The following SLC9A7 variants were observed in gnomAD, a reference collection of about 807,000 sequenced individuals.
SLC9A7 encodes the protein sodium/hydrogen exchanger 7.
A neutral mutation model predicts 52.6 loss-of-function variants in SLC9A7; 19 were observed. The observed-to-expected ratio is 0.36, with a 90% CI of 0.25 to 0.53. SLC9A7 has a LOEUF of 0.53. Among genes scored for constraint, SLC9A7 ranks in the 20% least tolerant of loss-of-function variants. The pLI is 0.91. For synonymous variants in SLC9A7, 226 were observed against 252.1 expected, an observed-to-expected ratio of 0.90 and a Z score of 0.98; for missense variants, 455 against 597.9, an observed-to-expected ratio of 0.76 and a Z score of 2.49.
At chrX:46,655,817 G>A (rs1308883794) in intron 7 of SLC9A7, among the ~76,000 whole-genome samples, 1 of 112,780 alleles carries the variant, frequency 8.9e-6, no homozygotes, top group East Asian at 2.8e-4. Context: ...CATTGCCCAG[G>A]CTTGTTTAGG....
intron 14 of SLC9A7, among the ~76,000 whole-genome samples, chrX:46,627,075 T>C (rs1273521959): frequency 9.0e-6 from 1 of 111,014 alleles, no homozygotes; most frequent in Non-Finnish European, 1.9e-5. Context: ...TCCCTGCACT[T>C]TGGGAGGGTT....
intron 1 of SLC9A7, among the ~76,000 whole-genome samples, chrX:46,699,070 TC>T (rs1243448017): frequency 1.8e-5 from 2 of 111,913 alleles, no homozygotes; most frequent in Non-Finnish European, 3.8e-5. Flanking sequence ...TGACCTCCAA[TC>T]CAATGCCCCT....
intron 5 of SLC9A7, among the ~76,000 whole-genome samples, chrX:46,667,183 C>G (rs899015811): frequency 4.5e-5 from 5 of 111,263 alleles, no homozygotes. Context: ...ATCATTTCTA[C>G]TTTATATATG....
At chrX:46,749,230 T>C (rs2062665256) in intron 1 of SLC9A7, among the ~76,000 whole-genome samples, 1 of 112,243 alleles carries the variant, frequency 8.9e-6, no homozygotes, top group African/African-American at 3.2e-5. Context: ...TATAGCATCT[T>C]ATTTTTTGAT....
intron 12 of SLC9A7, among the ~76,000 whole-genome samples, chrX:46,641,142 C>T (rs749727814): frequency 2.7e-5 from 3 of 112,227 alleles, no homozygotes; most frequent in Admixed American, 1.9e-4. Context: ...AAATGTCCTT[C>T]GAGGGGTAAA....
chrX:46,649,801 G>T (rs1441004762), intron 10 of SLC9A7, among the ~76,000 whole-genome samples: 1 of 112,593 alleles, frequency 8.9e-6, no homozygotes, highest in East Asian at 2.8e-4. Context: ...TTCCATCCCA[G>T]AAGAGAAACA....
chrX:46,680,914 T>C (rs181066618), intron 2 of SLC9A7, among the ~76,000 whole-genome samples: 8 of 112,264 alleles, frequency 7.1e-5, no homozygotes, highest in African/African-American at 9.7e-5. Flanking sequence ...AAGCAGGGAA[T>C]GTCAGAATGA....
intron 15 of SLC9A7, among the ~76,000 whole-genome samples, chrX:46,618,600 T>G (rs1942990648): frequency 8.9e-6 from 1 of 112,003 alleles, no homozygotes; most frequent in South Asian, 3.7e-4. Context: ...AAATACTAAC[T>G]AGGAGATCAA....
At chrX:46,657,210 C>A (rs1943715772) in intron 7 of SLC9A7, among the ~76,000 whole-genome samples, 1 of 110,507 alleles carries the variant, frequency 9.0e-6, no homozygotes, top group Non-Finnish European at 1.9e-5. Flanking sequence ...CCTAAAAGAG[C>A]TCCTGAAGGA....
Position 46,758,850 on chromosome X carries a change from C to T in SLC9A7, c.180G>A (p.Glu60=). 1.7e-6 allele frequency: 2 copies of T among 1,205,069 alleles called. No individual in the cohort carries two copies. The highest frequency in any genetic ancestry group is 3.6e-5 in the South Asian group (2 of 55,629). Residue 60 remains glutamate, a synonymous_variant, in exon 1 of 17, where the codon GAG becomes GAA. Coordinates refer to ENST00000616978, the MANE Select transcript of SLC9A7 (RefSeq NM_001257291.2). Reference sequence around the variant, plus strand: ...GCCGGTGGCTCTCCTCCGCCTCCTTCTCAGTAGCGAGCTCCTCCATGGCGC... The same window carrying T: ...GCCGGTGGCTCTCCTCCGCCTCCTTTTCAGTAGCGAGCTCCTCCATGGCGC... The part of the protein sequence containing the change: ...DSSAMEELAT[E]KEAEESHRQD...
rs1005624680 is a variant in SLC9A7, at chrX:46,725,639, C to G, written c.325+33066G>C. The G allele has an allele frequency of 6.1e-6, 7 of 1,149,620 alleles. No homozygotes were observed. The African/African-American group carries it at 1.1e-4, about 18-fold the overall frequency. 94.7% of individuals were successfully genotyped at this position (1,149,620 alleles called of 1,213,427 possible). On this transcript the variant is annotated intron_variant, in intron 1 of 16. Transcript: ENST00000616978. ...AAACTCACGAGGCTTTCTGCTTAAC[C>G]ATACTCTTTGCAGGACCCTCTCTCA... is the stretch of plus-strand genomic sequence containing the variant.
chrX:46,651,069 C>T (rs1304049310), intron 10 of SLC9A7, 41 bp downstream of exon 10: 3 of 867,321 alleles, frequency 3.5e-6, no homozygotes, highest in South Asian at 2.2e-5. Context: ...CAACAGTGGT[C>T]GTCTCTGCAT....
intron 14 of SLC9A7, among the ~76,000 whole-genome samples, chrX:46,625,937 C>T (rs751615676): frequency 1.1e-4 from 12 of 111,405 alleles, no homozygotes; most frequent in Non-Finnish European, 1.9e-4. Context: ...CTTGCCAACA[C>T]CTTGAAAAAC....
chrX:46,720,316 T>A (rs954395293), intron 1 of SLC9A7, among the ~76,000 whole-genome samples: 5 of 110,991 alleles, frequency 4.5e-5, no homozygotes, highest in African/African-American at 1.6e-4. Context: ...CACACCCATA[T>A]CCTGTCCTTT....
intron 11 of SLC9A7, among the ~76,000 whole-genome samples, chrX:46,645,683 C>T (rs1367244765): frequency 1.1e-5 from 1 of 94,130 alleles, no homozygotes; most frequent in African/African-American, 4.1e-5. Flanking sequence ...AGATTTAGTA[C>T]AGTTATGCTC....
At chrX:46,674,517 C>T (rs763509474) in intron 3 of SLC9A7, among the ~76,000 whole-genome samples, 82 of 111,696 alleles carry the variant, frequency 7.3e-4, no homozygotes, top group African/African-American at 2.3e-3. Context: ...CCATCATATA[C>T]GAGAGAACCC....
chrX:46,731,731 T>C, intron 1 of SLC9A7, among the ~76,000 whole-genome samples: 1 of 110,991 alleles, frequency 9.0e-6, no homozygotes, highest in Non-Finnish European at 1.9e-5. Context: ...AGAAAAAATA[T>C]TTGCAATTTA....
chrX:46,660,591 T>A (rs1468271933), intron 7 of SLC9A7, among the ~76,000 whole-genome samples: 5 of 110,840 alleles, frequency 4.5e-5, no homozygotes, highest in Non-Finnish European at 7.5e-5. Context: ...AAAAGAAGAC[T>A]TTTATGCAGC....
chrX:46,718,383 C>T (rs773982295), intron 1 of SLC9A7, among the ~76,000 whole-genome samples: 8 of 111,757 alleles, frequency 7.2e-5, no homozygotes, highest in Non-Finnish European at 1.5e-4. Flanking sequence ...GGACACAGGC[C>T]TGGGCAAGGA....
Sources: allele counts gnomAD v4.1 joint callset (sites outside exome capture counted in the v4.1 genomes callset), GRCh38; gene constraint gnomAD v4.1.1; transcripts MANE v1.5; gene names NCBI Gene and HGNC (gene_info 2026-07-23, HGNC 2026-07-21).